Variants in CEP70 observed in about 807,000 individuals in gnomAD.
CEP70 encodes centrosomal protein 70.
CEP70 carries 70 observed loss-of-function variants against 90.9 expected under a neutral mutation model. The observed-to-expected ratio is 0.77, with a 90% CI of 0.64 to 0.94. CEP70 has a LOEUF of 0.94. Among genes scored for constraint, CEP70 ranks in the 40% least tolerant of loss-of-function variants. The probability of loss-of-function intolerance (pLI) is 0.00; values close to 1 mark genes in which losing one functional copy is unlikely to be tolerated. For synonymous variants in CEP70, 220 were observed against 228.3 expected (o/e 0.96, Z 0.33); for missense variants, 648 against 669.0 (o/e 0.97, Z 0.35).
intron 11 of CEP70, among the ~76,000 whole-genome samples, chr3:138,523,045 C>A: frequency 6.6e-6 from 1 of 152,188 alleles, no homozygotes; most frequent in South Asian, 2.1e-4. Flanking sequence ...TGGGCTTTAT[C>A]CCTGGGATGC....
chr3:138,573,825 G>A (rs963511955), intron 2 of CEP70, among the ~76,000 whole-genome samples: 1 of 152,208 alleles, frequency 6.6e-6, no homozygotes, highest in Admixed American at 6.5e-5. Context: ...AAAGGTATCT[G>A]TTAACACTGG....
intron 6 of CEP70, among the ~76,000 whole-genome samples, chr3:138,553,072 C>T (rs986162624): frequency 6.6e-6 from 1 of 151,960 alleles, no homozygotes; most frequent in African/African-American, 2.4e-5. Flanking sequence ...ACTAGAAAAC[C>T]TAGAGGAGAT....
intron 11 of CEP70, among the ~76,000 whole-genome samples, chr3:138,512,109 CT>C: frequency 6.6e-6 from 1 of 152,154 alleles, no homozygotes; most frequent in Admixed American, 6.5e-5. Context: ...GAAATGTTGG[CT>C]TATGGATGCC....
intron 16 of CEP70, chr3:138,499,783 T>TACACACACACACACACAC (rs56826450): frequency 0.026 from 5,110 of 193,080 alleles, 282 homozygotes; most frequent in African/African-American, 0.11. Context: ...TCTCTCTCTC[T>TACACACACACACACACAC]ACACACACAC....
At chr3:138,540,609 G>T (rs1088055) in intron 6 of CEP70, among the ~76,000 whole-genome samples, 61,844 of 151,982 alleles carry the variant, frequency 0.41, 13,147 homozygotes, top group Non-Finnish European at 0.45. Flanking sequence ...GCAAGGCAAG[G>T]TTGCAGAGGA....
In CEP70 at chr3:138,589,130, G is replaced by A. The variant is rs931798666; in HGVS notation, c.-6+2724C>T. Among the ~76,000 whole-genome samples the A allele has an allele frequency of 3.3e-5, 5 of 152,144 alleles. No individual in the cohort carries two copies. In the East Asian group the frequency reaches 7.7e-4, roughly 23 times the overall value. ...GGATGATGGATATATTGACAATCCT[G>A]ATTGGGGTGGTTTCATAGGTGTATA... On this transcript the variant is annotated intron_variant, in intron 2 of 17. Coordinates refer to ENST00000264982, the MANE Select transcript of CEP70 (RefSeq NM_024491.4).
At chr3:138,592,778 A>G (rs2042448384) in intron 1 of CEP70, among the ~76,000 whole-genome samples, 1 of 152,192 alleles carries the variant, frequency 6.6e-6, no homozygotes, top group African/African-American at 2.4e-5. Flanking sequence ...GGGAGCTGAC[A>G]ATAAACCATG....
intron 11 of CEP70, among the ~76,000 whole-genome samples, chr3:138,515,741 G>A (rs982147689): frequency 2.0e-5 from 3 of 152,236 alleles, no homozygotes; most frequent in Non-Finnish European, 2.9e-5. Flanking sequence ...CTACGTATGT[G>A]TAAGTGCATA....
chr3:138,495,339 TG>T (rs1292926157), intron 17 of CEP70, among the ~76,000 whole-genome samples: 1 of 152,218 alleles, frequency 6.6e-6, no homozygotes, highest in Non-Finnish European at 1.5e-5. Context: ...ATTAGCAGCA[TG>T]TCCTTATTAA....
chr3:138,535,868 T>C (rs1007943447), intron 7 of CEP70, among the ~76,000 whole-genome samples: 1 of 152,146 alleles, frequency 6.6e-6, no homozygotes, highest in Admixed American at 6.5e-5. Flanking sequence ...CTCCTATTTT[T>C]CTTACCTAGC....
chr3:138,554,497 G>C (rs1041507670), intron 6 of CEP70, among the ~76,000 whole-genome samples: 5 of 152,196 alleles, frequency 3.3e-5, no homozygotes, highest in Middle Eastern at 3.4e-3. Flanking sequence ...GAAATAAAGG[G>C]CACCCAAATC....
intron 7 of CEP70, among the ~76,000 whole-genome samples, chr3:138,533,104 A>AC (rs1238608887): frequency 6.6e-6 from 1 of 152,102 alleles, no homozygotes; most frequent in African/African-American, 2.4e-5. Context: ...ACATGGTGAA[A>AC]CCCCATCTCT....
At chr3:138,561,749 GGTGCGGT>G (rs1206326062) in intron 6 of CEP70, among the ~76,000 whole-genome samples, 1 of 152,068 alleles carries the variant, frequency 6.6e-6, no homozygotes, top group Non-Finnish European at 1.5e-5. Context: ...AAGCTGGCCG[GGTGCGGT>G]GGCTCACCCC....
At chr3:138,584,693 CAT>C (rs1201206823) in intron 2 of CEP70, among the ~76,000 whole-genome samples, 1 of 151,714 alleles carries the variant, frequency 6.6e-6, no homozygotes, top group East Asian at 1.9e-4. Flanking sequence ...AGACAAAAAC[CAT>C]ATGATCGTTT....
At chr3:138,508,726 G>GT (rs1387231222) in intron 11 of CEP70, among the ~76,000 whole-genome samples, 182 bp from the exon 12 acceptor site, 349 of 151,652 alleles carry the variant, frequency 2.3e-3, no homozygotes, top group African/African-American at 8.0e-3. Context: ...CATATATAGA[G>GT]TTAAAAAAAA....
At chr3:138,589,808 G>A (rs575773364) in intron 2 of CEP70, among the ~76,000 whole-genome samples, 144 of 152,168 alleles carry the variant, frequency 9.5e-4, no homozygotes, top group Non-Finnish European at 4.1e-4. Context: ...AGAAATTCAC[G>A]GAAAAGAAGT....
chr3:138,529,212 C>G lies in CEP70; in HGVS notation c.856G>C (p.Asp286His). 6.3e-7 allele frequency: 1 copy of G among 1,585,802 alleles called. No individual in the cohort carries two copies. Among genetic ancestry groups the G allele is most frequent in the Non-Finnish European group, 8.6e-7 (1 of 1,165,070 alleles). The stretch of plus-strand genomic sequence containing the variant: ...AGTTTCTCTCACCTGGTTTCCAAAT[C>G]TTTTTGGAGGTTCAGCTTTTCACTT... The part of the protein sequence containing the change: ...LSSEKLNLQK[D>H]LETRPTQHEL... Residue 286 changes from aspartate (D) to histidine (H), a missense_variant, in exon 10 of 18, where the codon GAT (aspartate) becomes CAT (histidine). By Grantham distance (81) the Asp-to-His change is moderately conservative. Coordinates refer to ENST00000264982, the MANE Select transcript of CEP70 (RefSeq NM_024491.4).
At chr3:138,495,120 TA>T in intron 17 of CEP70, 44 bp from the exon 18 acceptor site, 1 of 1,199,708 alleles carries the variant, frequency 8.3e-7, no homozygotes, top group Non-Finnish European at 1.2e-6. Flanking sequence ...TAACTTTTTC[TA>T]GTGGTAAACT....
intron 2 of CEP70, among the ~76,000 whole-genome samples, chr3:138,577,347 CATAA>C (rs1658466406): frequency 6.6e-6 from 1 of 152,022 alleles, no homozygotes; most frequent in Non-Finnish European, 1.5e-5. Context: ...ATAATAAATA[CATAA>C]ATAAATAAAC....
Sources: gnomAD v4.1 joint callset for allele counts (sites outside exome capture counted in the v4.1 genomes callset) on GRCh38, gnomAD v4.1.1 for gene constraint, MANE v1.5 for transcripts, NCBI Gene and HGNC (gene_info 2026-07-23, HGNC 2026-07-21) for gene names.